CAMSAP2: variants seen among roughly 807,000 people sequenced by gnomAD.
CAMSAP2 encodes calmodulin regulated spectrin associated protein family member 2, also known as calmodulin-regulated spectrin-associated protein 2.
CAMSAP2 carries 26 observed loss-of-function variants against 146.1 expected under a neutral mutation model. That is an observed-to-expected ratio of 0.18 (90% CI 0.13 to 0.25). The LOEUF is 0.25. Ranked by LOEUF, CAMSAP2 falls within the 10% of genes least tolerant of loss-of-function variation. The pLI is 1.00. For missense variants in CAMSAP2, 1,381 were observed against 1,759.3 expected (o/e 0.78, Z 3.85); for synonymous variants, 499 against 596.6 (o/e 0.84, Z 2.38).
intron 1 of CAMSAP2, among the ~76,000 whole-genome samples, chr1:200,746,259 G>A (rs1288961114): frequency 6.6e-6 from 1 of 152,208 alleles, no homozygotes; most frequent in Non-Finnish European, 1.5e-5. Context: ...AAGTTATTAT[G>A]TTTCAGGTGA....
rs201133949 is a variant in CAMSAP2, at chr1:200,849,851, C to T, written c.3082C>T (p.Pro1028Ser). Residue 1028 changes from proline to serine, a missense_variant, in exon 11 of 17, where the codon CCT (proline) becomes TCT (serine). Pro to Ser is a moderately conservative substitution (Grantham distance 74). This residue lies in a region of CAMSAP2 where 560 missense variants were observed against 715.9 expected (regional missense o/e 0.78). Coordinates refer to ENST00000358823, the MANE Select transcript of CAMSAP2 (RefSeq NM_203459.4). The surrounding 1 kb of genome is among the most constrained non-coding windows in gnomAD (Gnocchi z 6.3). Reference protein sequence around the residue: ...SFVCFGDDGEPQLKESKPKEE... With the variant: ...SFVCFGDDGESQLKESKPKEE... ...TGTATGTTTTGGGGATGATGGAGAA[C>T]CTCAGTTAAAGGAATCCAAACCTAA... 7.1e-5 allele frequency: 115 copies of T among 1,613,998 alleles called. No individual in the cohort carries two copies. In the East Asian group the frequency reaches 9.4e-4, roughly 13 times the overall value.
At chr1:200,837,068 T>C (rs75836136) in intron 6 of CAMSAP2, among the ~76,000 whole-genome samples, 6 of 152,234 alleles carry the variant, frequency 3.9e-5, no homozygotes, top group Admixed American at 3.9e-4. Flanking sequence ...ATAGTTTCTT[T>C]TGCTGTGCAG....
At chr1:200,817,203 T>TATACACAC (rs1553288806) in intron 4 of CAMSAP2, among the ~76,000 whole-genome samples, 1 of 99,730 alleles carries the variant, frequency 1.0e-5, no homozygotes, top group Non-Finnish European at 2.0e-5. Context: ...TGTGTGTGTA[T>TATACACAC]ACACACATAC....
Position 200,857,920 on chromosome 1 carries a change from A to G in CAMSAP2, c.4298A>G (p.Tyr1433Cys), listed in dbSNP as rs1300543046. Residue 1433 changes from tyrosine to cysteine, a missense_variant, in exon 17 of 17, where the codon TAT (tyrosine) becomes TGT (cysteine). Tyr to Cys is a radical substitution (Grantham distance 194). Coordinates refer to ENST00000358823, the MANE Select transcript of CAMSAP2 (RefSeq NM_203459.4). This position sits in a 1 kb window ranked among gnomAD's most constrained non-coding sequence, Gnocchi z 4.7. Reference protein sequence around the residue: ...TKKMIEGLYKYNSDRKQFSHI... With the variant: ...TKKMIEGLYKCNSDRKQFSHI... Reference sequence around the variant, plus strand: ...AAAATGATTGAAGGACTTTACAAATATAATTCTGACAGGAAACAGTTTAGC... The same window carrying G: ...AAAATGATTGAAGGACTTTACAAATGTAATTCTGACAGGAAACAGTTTAGC... 2 of 1,613,810 alleles carry G rather than the reference A, an allele frequency of 1.2e-6. No individual in the cohort carries two copies. The highest frequency in any genetic ancestry group is 1.7e-6 in the Non-Finnish European group (2 of 1,179,870).
At chr1:200,778,707 A>G (rs1315004226) in intron 2 of CAMSAP2, among the ~76,000 whole-genome samples, 1 of 152,176 alleles carries the variant, frequency 6.6e-6, no homozygotes, top group Admixed American at 6.5e-5. Context: ...CTGTAGATCT[A>G]TTTAATACCA....
At chr1:200,806,761 G>C (rs1251337510) in intron 2 of CAMSAP2, among the ~76,000 whole-genome samples, 33 of 129,658 alleles carry the variant, frequency 2.5e-4, no homozygotes, top group African/African-American at 9.1e-4. Context: ...GTGTGTGTGT[G>C]TGTGTATCTA....
In CAMSAP2 at chr1:200,816,606, ATATAT is replaced by A. The variant is rs372031602; in HGVS notation, c.645+963_645+967del. Among the ~76,000 whole-genome samples, 538 of 94,282 alleles carry A rather than the reference ATATAT, an allele frequency of 5.7e-3. 8 individuals are homozygous for A. Among genetic ancestry groups the A allele is most frequent in the African/African-American group, 0.019 (500 of 26,598 alleles). The allele number at this position is 94,282 out of a possible 152,430, so 61.9% of individuals were successfully genotyped here. A position where few individuals can be genotyped will look rare whatever the true frequency, so the allele number is the denominator to read the frequency against. ...CAAAACTTCATCTCAAAAAAAAAAA[ATATAT>A]ATATATATATATATGTATATATATA... On this transcript the variant is annotated intron_variant, in intron 4 of 16. Transcript: ENST00000358823.
chr1:200,855,356 GA>G (rs1409910272), intron 14 of CAMSAP2, among the ~76,000 whole-genome samples: 1 of 150,362 alleles, frequency 6.7e-6, no homozygotes, highest in Non-Finnish European at 1.5e-5. Context: ...CTCTAGATTA[GA>G]AGCTAAAAGT....
At chr1:200,796,480 A>G (rs1000445971) in intron 2 of CAMSAP2, among the ~76,000 whole-genome samples, 4 of 152,144 alleles carry the variant, frequency 2.6e-5, no homozygotes, top group Admixed American at 2.6e-4. Context: ...TTTTAGGATC[A>G]GTTTGTCAGT....
At chr1:200,819,000 T>G (rs956697582) in intron 4 of CAMSAP2, among the ~76,000 whole-genome samples, 1 of 152,216 alleles carries the variant, frequency 6.6e-6, no homozygotes, top group African/African-American at 2.4e-5. Flanking sequence ...CCAACTACTC[T>G]TAACTCAGAT....
chr1:200,821,655 G>A (rs909497340), intron 4 of CAMSAP2, among the ~76,000 whole-genome samples: 4 of 152,196 alleles, frequency 2.6e-5, no homozygotes, highest in Non-Finnish European at 4.4e-5. Flanking sequence ...GCCACCACAC[G>A]TGGCCATTTC....
At chr1:200,822,265 G>A (rs1262624550) in intron 4 of CAMSAP2, among the ~76,000 whole-genome samples, 1 of 151,744 alleles carries the variant, frequency 6.6e-6, no homozygotes, top group Non-Finnish European at 1.5e-5. Flanking sequence ...TAAGAACAAG[G>A]CAATTCATTT....
intron 4 of CAMSAP2, among the ~76,000 whole-genome samples, chr1:200,826,857 G>T (rs1384354163): frequency 1.3e-5 from 2 of 151,914 alleles, no homozygotes; most frequent in African/African-American, 4.8e-5. Flanking sequence ...TTTGTTTCTT[G>T]CCTGGTGGTC....
At chr1:200,785,627 C>T (rs1665567306) in intron 2 of CAMSAP2, among the ~76,000 whole-genome samples, 1 of 152,096 alleles carries the variant, frequency 6.6e-6, no homozygotes, top group Admixed American at 6.6e-5. Context: ...TGACCTCAAG[C>T]AGTCCATCTG....
Position 200,857,519 on chromosome 1 carries a change from G to A in CAMSAP2, c.4131+95G>A, listed in dbSNP as rs555162197. On this transcript the variant is annotated intron_variant, in intron 16 of 16. Transcript: ENST00000358823. The surrounding 1 kb of genome is among the most constrained non-coding windows in gnomAD (Gnocchi z 4.7). ...CTCTCATGGGCCTAGACTTTCAACA[G>A]CATGTAAAAAGATCTGTAGCTAGAT... The A allele has an allele frequency of 1.2e-4, 106 of 894,628 alleles. 4 individuals carry two copies. In the South Asian group the frequency reaches 1.5e-3, roughly 13 times the overall value. 55.4% of individuals were successfully genotyped at this position (894,628 alleles called of 1,614,324 possible).
chr1:200,814,156 A>T (rs1666414467), intron 3 of CAMSAP2, among the ~76,000 whole-genome samples: 1 of 110,582 alleles, frequency 9.0e-6, no homozygotes, highest in Non-Finnish European at 1.8e-5. Flanking sequence ...GCGGGTGGGG[A>T]ATGAAAATAC....
intron 4 of CAMSAP2, chr1:200,828,615 C>T: frequency 6.5e-7 from 1 of 1,549,402 alleles, no homozygotes; most frequent in Non-Finnish European, 8.7e-7. Flanking sequence ...AGTAAGTTTG[C>T]TCAGCTACTT....
chr1:200,802,454 A>G (rs979674068), intron 2 of CAMSAP2, among the ~76,000 whole-genome samples: 1 of 152,224 alleles, frequency 6.6e-6, no homozygotes, highest in African/African-American at 2.4e-5. Context: ...AAAAGTGTTT[A>G]TATAGATAAA....
At chr1:200,787,291 A>AG (rs1665621139) in intron 2 of CAMSAP2, among the ~76,000 whole-genome samples, 1 of 152,218 alleles carries the variant, frequency 6.6e-6, no homozygotes, top group Non-Finnish European at 1.5e-5. Context: ...AGGATTTACC[A>AG]ATCTAGATGC....
Sources: allele counts gnomAD v4.1 joint callset (sites outside exome capture counted in the v4.1 genomes callset), GRCh38; gene constraint gnomAD v4.1.1; regional missense constraint gnomAD v4.1.1; non-coding constraint Gnocchi (gnomAD v3.1); transcripts MANE v1.5; gene names NCBI Gene and HGNC (gene_info 2026-07-23, HGNC 2026-07-21).